RBFOX1: variants seen among roughly 807,000 people sequenced by gnomAD.
RBFOX1 encodes RNA binding protein fox-1 homolog 1.
In RBFOX1, 8 loss-of-function variants were observed where a neutral mutation model predicts 57.7. The observed-to-expected ratio is 0.14, with a 90% confidence interval of 0.08 to 0.25. The LOEUF is 0.25. Among genes scored for constraint, RBFOX1 ranks in the 10% least tolerant of loss-of-function variants. The pLI is 1.00. For missense variants in RBFOX1, 611 were observed against 548.5 expected (o/e 1.11, Z -1.14); for synonymous variants, 326 against 222.4 (o/e 1.47, Z -4.15).
At chr16:7,522,312 G>A (rs532772144) in intron 5 of RBFOX1, among the ~76,000 whole-genome samples, 14 of 152,294 alleles carry the variant, frequency 9.2e-5, no homozygotes, top group African/African-American at 2.9e-4. Flanking sequence ...GAGAGCTCAC[G>A]GGGTGGGGTT....
chr16:5,575,514 GGAAAGTGGTAATTTCTGACAGTA>G (rs1395766314), intron 2 of RBFOX1, among the ~76,000 whole-genome samples: 2 of 152,188 alleles, frequency 1.3e-5, no homozygotes, highest in Non-Finnish European at 1.5e-5. Flanking sequence ...CAGTCTGTCT[GGAAAGTGGTAATTTCTGACAGTA>G]CACTGCCTGG....
At chr16:7,618,342 T>C (rs760505376) in intron 10 of RBFOX1, among the ~76,000 whole-genome samples, 10 of 152,302 alleles carry the variant, frequency 6.6e-5, no homozygotes, top group Middle Eastern at 3.4e-3. Flanking sequence ...TTATTACTAA[T>C]ATGTGCGTGA....
intron 3 of RBFOX1, among the ~76,000 whole-genome samples, chr16:6,842,220 T>C (rs1209171690): frequency 6.6e-6 from 1 of 152,012 alleles, no homozygotes; most frequent in Non-Finnish European, 1.5e-5. Flanking sequence ...ATTTGAGTAG[T>C]CTCAGCTGAA....
intron 2 of RBFOX1, among the ~76,000 whole-genome samples, chr16:6,527,774 A>G (rs2096601424): frequency 1.3e-5 from 2 of 152,058 alleles, no homozygotes; most frequent in Non-Finnish European, 2.9e-5. Context: ...GGGCGAGTTA[A>G]TGGTTGCCAC....
At chr16:6,017,129 A>C (rs1296524968), upstream of RBFOX1, among the ~76,000 whole-genome samples, 1 of 152,250 alleles carries the variant, frequency 6.6e-6, no homozygotes, top group Non-Finnish European at 1.5e-5. Context: ...TGTATTAAAA[A>C]TAATCAAAGG....
intron 4 of RBFOX1, among the ~76,000 whole-genome samples, chr16:7,340,603 T>C (rs1445117730): frequency 3.3e-5 from 5 of 152,142 alleles, no homozygotes; most frequent in Admixed American, 6.5e-5. Context: ...CAGTGCAAGA[T>C]TGTGTTTCTC....
At chr16:6,084,989 G>C (rs559004372) in intron 1 of RBFOX1, among the ~76,000 whole-genome samples, 4 of 152,240 alleles carry the variant, frequency 2.6e-5, no homozygotes, top group African/African-American at 4.8e-5. Flanking sequence ...TTGCAGAAGT[G>C]GTTTCCTTTT....
chr16:6,551,860 G>A lies in RBFOX1; in HGVS notation c.-63-102743G>A, dbSNP rs140727473. ...CAAGGTGGTTCTTCTCTCTCAGTGCGTTGGTCATTTCAGAGTGGGAAAAGC... is the reference window on the plus strand; with the variant it reads ...CAAGGTGGTTCTTCTCTCTCAGTGCATTGGTCATTTCAGAGTGGGAAAAGC... On this transcript the variant is annotated intron_variant, in intron 2 of 15. Coordinates refer to ENST00000550418, the MANE Select transcript of RBFOX1 (RefSeq NM_018723.4). Among the ~76,000 whole-genome samples the A allele has an allele frequency of 4.1e-3, 625 of 152,242 alleles. 1 individual carries two copies. The highest frequency in any genetic ancestry group is 0.014 in the African/African-American group (590 of 41,520).
At chr16:5,539,706 C>G (rs144311665) in intron 2 of RBFOX1, among the ~76,000 whole-genome samples, 3 of 152,218 alleles carry the variant, frequency 2.0e-5, no homozygotes, top group South Asian at 2.1e-4. Context: ...AATTTTTTCC[C>G]GTTTTTCATC....
chr16:7,131,341 CTTTTTTTTTTTTT>C (rs34213849), intron 4 of RBFOX1, among the ~76,000 whole-genome samples: 3 of 71,746 alleles, frequency 4.2e-5, no homozygotes, highest in Admixed American at 2.2e-4. Flanking sequence ...GCGAGACTGT[CTTTTTTTTTTTTT>C]TTTTTTTTTT....
intron 3 of RBFOX1, among the ~76,000 whole-genome samples, chr16:5,855,784 T>A (rs928422034): frequency 6.6e-6 from 1 of 152,050 alleles, no homozygotes; most frequent in Non-Finnish European, 1.5e-5. Context: ...TTGATAGGGA[T>A]CATACTGACT....
chr16:6,835,429 C>A (rs1375436887), intron 3 of RBFOX1, among the ~76,000 whole-genome samples: 3 of 152,066 alleles, frequency 2.0e-5, no homozygotes, highest in African/African-American at 7.2e-5. Flanking sequence ...CATTAACTTC[C>A]AAATCTCAGT....
chr16:7,619,067 G>A (rs1467384805), intron 10 of RBFOX1, among the ~76,000 whole-genome samples: 4 of 152,164 alleles, frequency 2.6e-5, no homozygotes, highest in African/African-American at 9.7e-5. Context: ...AAAGAATAAT[G>A]CCAACGGCTG....
chr16:6,740,490 C>A lies in RBFOX1; in HGVS notation c.-16+85840C>A, dbSNP rs371675301. 4.6e-5 allele frequency among the ~76,000 whole-genome samples: 7 copies of A among 152,100 alleles called. No homozygotes were observed. The South Asian group carries it at 1.5e-3, about 32-fold the overall frequency. On this transcript the variant is annotated intron_variant, in intron 3 of 15. Transcript: ENST00000550418. ...GATTCCATGGTTATAGAGTAAACAC[C>A]AAAAATTTAAAACCCACACACATTT... is the stretch of plus-strand genomic sequence containing the variant.
intron 4 of RBFOX1, among the ~76,000 whole-genome samples, chr16:5,991,684 A>G (rs185685275): frequency 2.9e-4 from 40 of 137,928 alleles, no homozygotes; most frequent in South Asian, 2.2e-4. Flanking sequence ...TGGAAGTTCT[A>G]TAACTTCTGT....
intron 4 of RBFOX1, among the ~76,000 whole-genome samples, chr16:7,069,720 A>G (rs909374286): frequency 6.6e-6 from 1 of 152,114 alleles, no homozygotes; most frequent in Non-Finnish European, 1.5e-5. Context: ...GGCAGCATCG[A>G]GGTGTGTTCT....
chr16:6,389,335 C>G (rs918904775), intron 2 of RBFOX1, among the ~76,000 whole-genome samples: 5 of 148,162 alleles, frequency 3.4e-5, no homozygotes, highest in African/African-American at 1.3e-4. Flanking sequence ...GACCTGCCCA[C>G]CACTAGCTTA....
At chr16:6,918,428 A>G (rs1480480632) in intron 3 of RBFOX1, among the ~76,000 whole-genome samples, 4 of 152,274 alleles carry the variant, frequency 2.6e-5, no homozygotes, top group Non-Finnish European at 2.9e-5. Context: ...AACTGTAGCT[A>G]TAGGAAGACT....
At chr16:7,702,895 A>C (rs991611795) in intron 14 of RBFOX1, among the ~76,000 whole-genome samples, 5 of 152,230 alleles carry the variant, frequency 3.3e-5, no homozygotes. Flanking sequence ...GGGCAATGAA[A>C]TAGGATGAAT....
Sources: allele counts gnomAD v4.1 joint callset (sites outside exome capture counted in the v4.1 genomes callset), GRCh38; gene constraint gnomAD v4.1.1; transcripts MANE v1.5; gene names NCBI Gene and HGNC (gene_info 2026-07-23, HGNC 2026-07-21).